TEX11: variants seen among roughly 807,000 people sequenced by gnomAD.
The protein encoded by TEX11 is testis expressed 11, also known as testis-expressed protein 11.
In TEX11, 7 loss-of-function variants were observed where a neutral mutation model predicts 84.4. The observed-to-expected ratio is 0.08, with a 90% CI of 0.05 to 0.16. TEX11 has a LOEUF of 0.16. Ranked by LOEUF, TEX11 falls within the 10% of genes least tolerant of loss-of-function variation. The pLI is 1.00. For synonymous variants in TEX11, 264 were observed against 222.8 expected (o/e 1.18, Z -1.64); for missense variants, 551 against 660.5 (o/e 0.83, Z 1.82).
intron 7 of TEX11, among the ~76,000 whole-genome samples, chrX:70,843,778 A>C (rs765306154): frequency 1.8e-5 from 2 of 111,755 alleles, no homozygotes; most frequent in East Asian, 2.8e-4. Context: ...AACTAACAAT[A>C]CCATCAACAA....
chrX:70,747,042 C>T (rs1038699161), intron 9 of TEX11, among the ~76,000 whole-genome samples: 1 of 111,974 alleles, frequency 8.9e-6, no homozygotes, highest in Non-Finnish European at 1.9e-5. Context: ...ATCCAGGGAA[C>T]CCAGCTTAAA....
At chrX:70,666,919 C>T (rs746837244) in intron 16 of TEX11, among the ~76,000 whole-genome samples, 2 of 111,955 alleles carry the variant, frequency 1.8e-5, no homozygotes, top group African/African-American at 6.5e-5. Context: ...AACCATTCAT[C>T]CGCCTCTGAA....
intron 2 of TEX11, among the ~76,000 whole-genome samples, chrX:70,905,283 C>A (rs964890400): frequency 9.0e-6 from 1 of 111,113 alleles, no homozygotes; most frequent in Non-Finnish European, 1.9e-5. Context: ...CGAGATCGTG[C>A]CACTACACTC....
chrX:70,700,032 A>T (rs1343288891), intron 13 of TEX11, among the ~76,000 whole-genome samples: 1 of 111,874 alleles, frequency 8.9e-6, no homozygotes, highest in Non-Finnish European at 1.9e-5. Context: ...AGCAGGAAAC[A>T]GCATTGGTAC....
At chrX:70,751,121 C>T (rs2090820924) in intron 9 of TEX11, among the ~76,000 whole-genome samples, 1 of 103,841 alleles carries the variant, frequency 9.6e-6, no homozygotes, top group African/African-American at 3.5e-5. Flanking sequence ...CCTAGCCCTC[C>T]CATTACTGGG....
chrX:70,682,744 G>A lies in TEX11; in HGVS notation c.1086C>T (p.Leu362=). The A allele has an allele frequency of 1.7e-6, 2 of 1,208,258 alleles. No homozygotes were observed. Among genetic ancestry groups the A allele is most frequent in the Non-Finnish European group, 1.1e-6 (1 of 892,915 alleles). The change falls in exon 14 of 30, where the codon CTC becomes CTT. Residue 362 remains leucine (L), a synonymous_variant. Transcript: ENST00000374333. ...TCCTTTGTAAAAGCATGTCAGTATG[G>A]AGTATCAGAACTTTTCCAATATTTT... ...SSENIGKVLI[L]HTDMLLQRKE... is the part of the protein sequence containing the mutation.
At position 70,801,549 on chromosome X, in the gene TEX11, T is replaced by C. The variant is rs150330783; in HGVS notation, c.692+5156A>G. ...ATCCATTTGAAAATTTCTGATTTCT[T>C]TGGGGCATTGTCTCCATGAATGCTC... On this transcript the variant is annotated intron_variant, in intron 9 of 29. Coordinates refer to ENST00000374333, the MANE Select transcript of TEX11 (RefSeq NM_031276.3). Among the ~76,000 whole-genome samples, 633 of 111,781 alleles carry C rather than the reference T, an allele frequency of 5.7e-3. 3 individuals are homozygous for C. Among genetic ancestry groups the C allele is most frequent in the Middle Eastern group, 0.018 (4 of 217 alleles).
rs1335916491 is a variant in TEX11 at position 70,870,154 on chromosome X, T to C, written c.244+3069A>G. 6.3e-5 allele frequency among the ~76,000 whole-genome samples: 7 copies of C among 111,992 alleles called. No individual in the cohort carries two copies. In the South Asian group the frequency reaches 2.6e-3, roughly 42 times the overall value. ...GTTATACCCTCTGACATTTATAAAT[T>C]TTTAAATTATTGTTTATCTAGCTTT... On this transcript the variant is annotated intron_variant, in intron 4 of 29. Coordinates refer to ENST00000374333, the MANE Select transcript of TEX11 (RefSeq NM_031276.3).
At chrX:70,624,706 A>C (rs183241810) in intron 19 of TEX11, 133 bp downstream of exon 19, 20 of 443,480 alleles carry the variant, frequency 4.5e-5, no homozygotes, top group East Asian at 4.1e-4. Flanking sequence ...TCAAGTCCCA[A>C]CCTCACCCTC....
At chrX:70,907,732 C>T (rs2091841764) in intron 2 of TEX11, 21 bp downstream of exon 2, 2 of 1,131,466 alleles carry the variant, frequency 1.8e-6, no homozygotes, top group African/African-American at 3.6e-5. Context: ...CTATTTTGTA[C>T]TACCACGTAG....
At chrX:70,576,580 T>A (rs894301172) in intron 25 of TEX11, among the ~76,000 whole-genome samples, 2 of 112,537 alleles carry the variant, frequency 1.8e-5, no homozygotes, top group Non-Finnish European at 1.9e-5. Context: ...TTGGTGTGTA[T>A]CCTTCCAAGG....
At chrX:70,521,291 C>A in the TEX11 span, among the ~76,000 whole-genome samples, 1 of 104,000 alleles carries the variant, frequency 9.6e-6, no homozygotes, top group African/African-American at 3.5e-5. Context: ...TTTTTTTTTT[C>A]TTTTTGAAAC....
chrX:70,515,002 A>C, the TEX11 span, among the ~76,000 whole-genome samples: 1 of 110,486 alleles, frequency 9.1e-6, no homozygotes, highest in Admixed American at 9.7e-5. Context: ...TGGGAAGCAG[A>C]GGTTGCAGTG....
intron 14 of TEX11, 82 bp from the exon 15 acceptor site, chrX:70,678,971 C>A: frequency 2.6e-6 from 2 of 765,861 alleles, no homozygotes; most frequent in Non-Finnish European, 3.8e-6. Context: ...TCCCTCTCCC[C>A]ACGGTCTCCC....
At position 70,770,082 on chromosome X, in the gene TEX11, T is replaced by G. The variant is rs181737177; in HGVS notation, c.693-25863A>C. Among the ~76,000 whole-genome samples, 418 of 111,561 alleles carry G rather than the reference T, an allele frequency of 3.7e-3. 2 individuals are homozygous for G. The highest frequency in any genetic ancestry group is 6.0e-3 in the Admixed American group (63 of 10,469). On this transcript the variant is annotated intron_variant, in intron 9 of 29. Coordinates refer to ENST00000374333, the MANE Select transcript of TEX11 (RefSeq NM_031276.3). ...GTCACAGTTTATCATTAACAAATTTTCTGCCAGCTCTGAGACCTTCCCTTA... is the reference window on the plus strand; with the variant it reads ...GTCACAGTTTATCATTAACAAATTTGCTGCCAGCTCTGAGACCTTCCCTTA...
chrX:70,613,484 G>A lies in TEX11; in HGVS notation c.1752-2941C>T, dbSNP rs181489508. On this transcript the variant is annotated intron_variant, in intron 20 of 29. Coordinates refer to ENST00000374333, the MANE Select transcript of TEX11 (RefSeq NM_031276.3). ...ACTGGGCTAAACACAGCCAACTCCC[G>A]CTAACAGAGGGAACATTTGGACCAG... Among the ~76,000 whole-genome samples the A allele has an allele frequency of 8.9e-5, 10 of 111,963 alleles. No individual in the cohort carries two copies. In the East Asian group the frequency reaches 2.8e-3, roughly 32 times the overall value.
intron 20 of TEX11, among the ~76,000 whole-genome samples, chrX:70,616,415 A>G (rs910318512): frequency 1.8e-5 from 2 of 111,896 alleles, no homozygotes; most frequent in African/African-American, 6.5e-5. Context: ...TGCAAGCCTC[A>G]TGATAACCTC....
intron 9 of TEX11, among the ~76,000 whole-genome samples, chrX:70,778,714 T>G (rs781241850): frequency 3.6e-5 from 4 of 111,113 alleles, no homozygotes; most frequent in Non-Finnish European, 5.6e-5. Flanking sequence ...TAGGCTGGTC[T>G]CAAACTCCTG....
intron 11 of TEX11, among the ~76,000 whole-genome samples, chrX:70,735,486 C>T (rs758735067): frequency 2.7e-5 from 3 of 111,721 alleles, no homozygotes; most frequent in Admixed American, 9.6e-5. Context: ...TATATACTAG[C>T]AATGAACAAT....
Sources: allele counts gnomAD v4.1 joint callset (sites outside exome capture counted in the v4.1 genomes callset), GRCh38; gene constraint gnomAD v4.1.1; transcripts MANE v1.5; gene names NCBI Gene and HGNC (gene_info 2026-07-23, HGNC 2026-07-21).